SLC38A8: variants seen among roughly 807,000 people sequenced by gnomAD.
SLC38A8 encodes the protein solute carrier family 38 member 8.
SLC38A8 carries 65 observed loss-of-function variants against 46.0 expected under a neutral mutation model. The ratio of observed to expected loss-of-function variants is 1.41; its 90% CI spans 1.16 to 1.74. The LOEUF is 1.74. Among genes scored for constraint, SLC38A8 ranks in the 40% most tolerant of loss-of-function variants. The pLI is 0.00. For synonymous variants in SLC38A8, 447 were observed against 243.7 expected (o/e 1.83, Z -7.77); for missense variants, 998 against 567.9 (o/e 1.76, Z -7.70).
At chr16:84,033,928 G>A (rs2151126642) in intron 3 of SLC38A8, among the ~76,000 whole-genome samples, 1 of 152,226 alleles carries the variant, frequency 6.6e-6, no homozygotes, top group Middle Eastern at 3.4e-3. Context: ...GACCCCAAAT[G>A]CAGTGGCTCA....
chr16:84,010,857 C>T (rs187764872), intron 10 of SLC38A8, among the ~76,000 whole-genome samples: 185 of 152,252 alleles, frequency 1.2e-3, no homozygotes, highest in Non-Finnish European at 1.5e-3. Context: ...GGAGAAGACG[C>T]AAGCTCTAAG....
At chr16:84,021,229 A>C (rs1373606161) in intron 7 of SLC38A8, among the ~76,000 whole-genome samples, 1 of 152,092 alleles carries the variant, frequency 6.6e-6, no homozygotes, top group East Asian at 1.9e-4. Context: ...ATGCTCGGCT[A>C]ATTTTTTGTA....
chr16:84,035,013 G>GCCTTCCCTT (rs996410414), intron 3 of SLC38A8, among the ~76,000 whole-genome samples: 4 of 152,144 alleles, frequency 2.6e-5, no homozygotes, highest in African/African-American at 9.7e-5. Flanking sequence ...CAGAAGCTTG[G>GCCTTCCCTT]CCTTCCCTAC....
intron 10 of SLC38A8, among the ~76,000 whole-genome samples, chr16:84,011,575 G>C (rs1050648217): frequency 1.3e-5 from 2 of 152,222 alleles, no homozygotes; most frequent in African/African-American, 4.8e-5. Context: ...ATGGGGTGAA[G>C]GGTGGCCCCC....
intron 2 of SLC38A8, among the ~76,000 whole-genome samples, 161 bp from the exon 3 acceptor site, chr16:84,037,061 C>G (rs888090549): frequency 1.3e-5 from 2 of 152,128 alleles, no homozygotes; most frequent in African/African-American, 4.8e-5. Flanking sequence ...TCACTGCACA[C>G]ACCCCCACCC....
At chr16:84,030,578 G>A (rs1205694711) in intron 5 of SLC38A8, among the ~76,000 whole-genome samples, 2 of 152,156 alleles carry the variant, frequency 1.3e-5, no homozygotes, top group Non-Finnish European at 1.5e-5. Context: ...AGCCTGAGCT[G>A]CTCCCAGGGA....
At chr16:84,029,035 C>T (rs897281583) in intron 6 of SLC38A8, among the ~76,000 whole-genome samples, 4 of 152,138 alleles carry the variant, frequency 2.6e-5, no homozygotes, top group Non-Finnish European at 5.9e-5. Flanking sequence ...TCCAGCTCCT[C>T]TACCCTGTAC....
Position 84,017,250 on chromosome 16 carries a change from A to G in SLC38A8, c.843T>C (p.Ser281=). The change falls in exon 8 of 11, where the codon TCT becomes TCC. Residue 281 remains serine, a synonymous_variant. Coordinates refer to ENST00000299709, the MANE Select transcript of SLC38A8 (RefSeq NM_001080442.3). ...CTGGGTAGGACATCAAGACGTCAGC[A>G]GAAACTTCTGTCCCAAAAGTCAGGA... ...YGFLTFGTEV[S]ADVLMSYPGN... 1 of 1,614,200 alleles carries G rather than the reference A, an allele frequency of 6.2e-7. No individual in the cohort carries two copies. The highest frequency in any genetic ancestry group is 8.5e-7 in the Non-Finnish European group (1 of 1,180,034).
At chr16:84,012,259 G>A (rs999268119) in intron 10 of SLC38A8, among the ~76,000 whole-genome samples, 10 of 152,220 alleles carry the variant, frequency 6.6e-5, no homozygotes, top group Non-Finnish European at 1.3e-4. Context: ...GGCGGCTGAG[G>A]AAGCGCACAT....
intron 2 of SLC38A8, among the ~76,000 whole-genome samples, chr16:84,037,395 G>T: frequency 7.0e-6 from 1 of 142,400 alleles, no homozygotes; most frequent in South Asian, 2.3e-4. Context: ...CCCCCTTGCA[G>T]GGGTGCTGCT....
chr16:84,012,955 G>C lies in SLC38A8; in HGVS notation c.1214+46C>G, dbSNP rs748140565. On this transcript the variant is annotated intron_variant, in intron 10 of 10. Coordinates refer to ENST00000299709, the MANE Select transcript of SLC38A8 (RefSeq NM_001080442.3). ...GGGTCCCCTGAAACATTCTTACTCTGATCCGGGGCACACCCAGGGTGCCAC... is the reference window on the plus strand; with the variant it reads ...GGGTCCCCTGAAACATTCTTACTCTCATCCGGGGCACACCCAGGGTGCCAC... 2.5e-6 allele frequency: 4 copies of C among 1,601,818 alleles called. No homozygotes were observed. In the Admixed American group the frequency reaches 5.1e-5, roughly 20 times the overall value.
At chr16:84,016,113 A>G (rs367616785) in intron 9 of SLC38A8, among the ~76,000 whole-genome samples, 1 of 128,672 alleles carries the variant, frequency 7.8e-6, no homozygotes, top group South Asian at 2.4e-4. Flanking sequence ...CAGGCAAGAG[A>G]GCTTGTGCTG....
At chr16:84,030,227 G>C (rs749613996) in intron 5 of SLC38A8, among the ~76,000 whole-genome samples, 1 of 152,182 alleles carries the variant, frequency 6.6e-6, no homozygotes, top group Non-Finnish European at 1.5e-5. Context: ...GAAGCAGGAA[G>C]AGACAGGAAA....
In SLC38A8 at chr16:84,037,006, G is replaced by A. The variant is rs2085308211; in HGVS notation, c.190-106C>T. On this transcript the variant is annotated intron_variant, in intron 2 of 10. Coordinates refer to ENST00000299709, the MANE Select transcript of SLC38A8 (RefSeq NM_001080442.3). Reference sequence around the variant, plus strand: ...CTCCACATGGCTTCTCATCCACAGAGGCCAGGGCTGCTGCCAACATGGGGT... The same window carrying A: ...CTCCACATGGCTTCTCATCCACAGAAGCCAGGGCTGCTGCCAACATGGGGT... 3 of 1,169,778 alleles carry A rather than the reference G, an allele frequency of 2.6e-6. No homozygotes were observed. In the African/African-American group the frequency reaches 4.7e-5, roughly 18 times the overall value. The allele number at this position is 1,169,778 out of a possible 1,614,324, so 72.5% of individuals were successfully genotyped here. A position where few individuals can be genotyped will look rare whatever the true frequency, so the allele number is the denominator to read the frequency against.
intron 6 of SLC38A8, among the ~76,000 whole-genome samples, chr16:84,023,885 C>G (rs747592153): frequency 5.9e-5 from 9 of 152,214 alleles, no homozygotes; most frequent in South Asian, 2.1e-4. Flanking sequence ...CACAGTGACA[C>G]TGTGTCTCAA....
chr16:84,027,208 G>C (rs1160171050), intron 6 of SLC38A8, among the ~76,000 whole-genome samples: 1 of 152,150 alleles, frequency 6.6e-6, no homozygotes, highest in African/African-American at 2.4e-5. Flanking sequence ...AAATTAGCTG[G>C]ACGTGGTGAC....
chr16:84,017,424 G>A (rs990597884), intron 7 of SLC38A8, 137 bp from the exon 8 acceptor site: 5 of 1,024,232 alleles, frequency 4.9e-6, no homozygotes, highest in East Asian at 2.5e-5. Context: ...GGAAGGGATA[G>A]CCCAAAGCTT....
At chr16:84,041,745 G>T (rs984779263) in intron 2 of SLC38A8, among the ~76,000 whole-genome samples, 8 of 152,178 alleles carry the variant, frequency 5.3e-5, no homozygotes, top group African/African-American at 1.9e-4. Flanking sequence ...CTCCATCCCG[G>T]AAGCTGTGTA....
chr16:84,012,924 T>C, intron 10 of SLC38A8, 77 bp downstream of exon 10: 1 of 1,484,818 alleles, frequency 6.7e-7, no homozygotes, highest in Admixed American at 1.8e-5. Context: ...AGAAATAGGA[T>C]CTGCAGGGTC....
Sources: allele counts gnomAD v4.1 joint callset (sites outside exome capture counted in the v4.1 genomes callset), GRCh38; gene constraint gnomAD v4.1.1; transcripts MANE v1.5; gene names NCBI Gene and HGNC (gene_info 2026-07-23, HGNC 2026-07-21).